The following DENND1B variants were observed in gnomAD, a reference collection of about 807,000 sequenced individuals.
The protein encoded by DENND1B is DENN domain-containing protein 1B.
DENND1B carries 59 observed loss-of-function variants against 90.1 expected under a neutral mutation model. The observed-to-expected ratio is 0.65, with a 90% CI of 0.53 to 0.81. DENND1B has a LOEUF of 0.81. DENND1B is among the 40% of genes least tolerant of loss of function. The pLI is 0.00. For missense variants in DENND1B, 862 were observed against 912.6 expected, an observed-to-expected ratio of 0.94 and a Z score of 0.71; for synonymous variants, 337 against 324.6, an observed-to-expected ratio of 1.04 and a Z score of -0.41.
chr1:197,605,001 T>A (rs1676540680), intron 13 of DENND1B, among the ~76,000 whole-genome samples: 1 of 151,144 alleles, frequency 6.6e-6, no homozygotes, highest in South Asian at 2.1e-4. Flanking sequence ...CAGTAAATGG[T>A]CCTAGCTCCA....
intron 2 of DENND1B, among the ~76,000 whole-genome samples, chr1:197,718,682 C>T (rs200624423): frequency 6.6e-6 from 1 of 151,988 alleles, no homozygotes; most frequent in African/African-American, 2.4e-5. Context: ...AGGACATAAA[C>T]TGACACAAGT....
chr1:197,751,859 G>A (rs1653567949), intron 2 of DENND1B, among the ~76,000 whole-genome samples: 1 of 149,500 alleles, frequency 6.7e-6, no homozygotes, highest in African/African-American at 2.5e-5. Flanking sequence ...GGGAAGGGAA[G>A]GCAGGGGAAG....
intron 3 of DENND1B, chr1:197,689,968 C>T (rs1657682737): frequency 6.5e-6 from 1 of 154,160 alleles, no homozygotes; most frequent in Non-Finnish European, 1.4e-5. Context: ...TTGCATCCTA[C>T]CATCAATTCA....
intron 3 of DENND1B, among the ~76,000 whole-genome samples, chr1:197,676,806 T>A (rs1656123564): frequency 6.6e-6 from 1 of 152,104 alleles, no homozygotes; most frequent in South Asian, 2.1e-4. Context: ...GATGAAAATT[T>A]ATATTTTGGG....
At chr1:197,752,832 G>A (rs1653750397) in intron 2 of DENND1B, among the ~76,000 whole-genome samples, 1 of 151,882 alleles carries the variant, frequency 6.6e-6, no homozygotes, top group African/African-American at 2.4e-5. Context: ...TCCCCACCCT[G>A]TGTCCAAGTG....
chr1:197,694,016 T>C (rs113161986), intron 3 of DENND1B, among the ~76,000 whole-genome samples: 109 of 151,628 alleles, frequency 7.2e-4, no homozygotes, highest in African/African-American at 2.5e-3. Context: ...TCATACCTAC[T>C]TCTTATCCTA....
At chr1:197,654,609 CAA>C (rs34779798) in intron 6 of DENND1B, among the ~76,000 whole-genome samples, 2 of 122,924 alleles carry the variant, frequency 1.6e-5, no homozygotes, top group Non-Finnish European at 1.8e-5. Context: ...GACTCCGTCT[CAA>C]AAAAAAAAAA....
intron 18 of DENND1B, among the ~76,000 whole-genome samples, chr1:197,544,210 T>C (rs1670548077): frequency 6.6e-6 from 1 of 152,176 alleles, no homozygotes; most frequent in East Asian, 1.9e-4. Context: ...AAAGCTTTTT[T>C]TGTGTACGGT....
intron 3 of DENND1B, among the ~76,000 whole-genome samples, chr1:197,697,410 T>G (rs1658545319): frequency 6.6e-6 from 1 of 151,852 alleles, no homozygotes; most frequent in African/African-American, 2.4e-5. Context: ...ATTAATTTCA[T>G]CATTCTGTCT....
intron 3 of DENND1B, among the ~76,000 whole-genome samples, chr1:197,693,002 T>A (rs1016927123): frequency 6.6e-6 from 1 of 151,718 alleles, no homozygotes; most frequent in East Asian, 1.9e-4. Flanking sequence ...CAAAATATGA[T>A]CCTCTTACCA....
At chr1:197,713,839 T>TTATATATAATATATTATATATAA (rs1171823863) in intron 3 of DENND1B, among the ~76,000 whole-genome samples, 4 of 13,494 alleles carry the variant, frequency 3.0e-4, no homozygotes, top group Admixed American at 1.3e-3. Flanking sequence ...ATATAATATA[T>TTATATATAATATATTATATATAA]TATATTATAT....
At chr1:197,572,176 G>A (rs1473374342) in intron 15 of DENND1B, among the ~76,000 whole-genome samples, 1 of 152,134 alleles carries the variant, frequency 6.6e-6, no homozygotes, top group Admixed American at 6.5e-5. Flanking sequence ...GGGAAATCGT[G>A]ACAGACTGTA....
At chr1:197,663,595 C>T (rs578037398) in intron 5 of DENND1B, among the ~76,000 whole-genome samples, 19 of 152,102 alleles carry the variant, frequency 1.2e-4, no homozygotes, top group African/African-American at 4.6e-4. Context: ...TGTAAAAATC[C>T]AGACTTCTTG....
intron 2 of DENND1B, among the ~76,000 whole-genome samples, chr1:197,731,617 C>T (rs566574054): frequency 2.6e-5 from 4 of 152,126 alleles, no homozygotes; most frequent in South Asian, 2.1e-4. Context: ...ACACCAGGGG[C>T]GTCCAATCTT....
chr1:197,560,317 G>C (rs1672058476), intron 15 of DENND1B, among the ~76,000 whole-genome samples: 1 of 151,850 alleles, frequency 6.6e-6, no homozygotes, highest in African/African-American at 2.4e-5. Context: ...AATGAAGCAG[G>C]CAAAAATCCA....
intron 15 of DENND1B, among the ~76,000 whole-genome samples, chr1:197,567,080 A>G (rs914337546): frequency 1.7e-4 from 26 of 152,060 alleles, no homozygotes; most frequent in Non-Finnish European, 1.5e-4. Context: ...GAAACTGAAC[A>G]TTAGATTCTG....
At chr1:197,665,861 G>A (rs1654890234) in intron 5 of DENND1B, among the ~76,000 whole-genome samples, 1 of 151,994 alleles carries the variant, frequency 6.6e-6, no homozygotes, top group Admixed American at 6.6e-5. Context: ...TAGTGTTTAG[G>A]ATATTGGAAA....
At chr1:197,729,016 T>C (rs568789724) in intron 2 of DENND1B, among the ~76,000 whole-genome samples, 6 of 152,270 alleles carry the variant, frequency 3.9e-5, no homozygotes, top group South Asian at 2.1e-4. Context: ...AGGATTTACT[T>C]ATACTCCAAC....
Position 197,645,724 on chromosome 1 carries a change from G to C in DENND1B, c.527C>G (p.Pro176Arg). 1 of 1,572,580 alleles carries C rather than the reference G, an allele frequency of 6.4e-7. No individual in the cohort carries two copies. Among genetic ancestry groups the C allele is most frequent in the Non-Finnish European group, 8.6e-7 (1 of 1,159,612 alleles). The change falls in exon 9 of 23, where the codon CCT becomes CGT. Residue 176 changes from proline to arginine, a missense_variant. Physicochemically the swap from Pro to Arg is moderately radical, Grantham distance 103. Coordinates refer to ENST00000620048, the MANE Select transcript of DENND1B (RefSeq NM_001195215.2). ...TATTGTTGGGAGTCCAGTTACATCA[G>C]GGGCAATGAAGTAGGAATGCTAATC... ...ALVPHSYFIA[P>R]DVTGLPTIPE...
Sources: gnomAD v4.1 joint callset for allele counts (sites outside exome capture counted in the v4.1 genomes callset) on GRCh38, gnomAD v4.1.1 for gene constraint, MANE v1.5 for transcripts, NCBI Gene and HGNC (gene_info 2026-07-23, HGNC 2026-07-21) for gene names.